The following DHRS2 variants were observed in gnomAD, a reference collection of about 807,000 sequenced individuals.
DHRS2 encodes the protein dehydrogenase/reductase 2, also known as dehydrogenase/reductase SDR family member 2, mitochondrial.
Under a neutral mutation model 26.3 loss-of-function variants are expected in DHRS2, and 29 were observed. The observed-to-expected ratio is 1.10, with a 90% CI of 0.82 to 1.50. DHRS2 has a LOEUF of 1.50. Ranked by LOEUF, DHRS2 falls within the 40% of genes most tolerant of loss-of-function variation. The probability of loss-of-function intolerance (pLI) is 0.00; values close to 1 mark genes in which losing one functional copy is unlikely to be tolerated. For missense variants in DHRS2, 439 were observed against 367.1 expected, an observed-to-expected ratio of 1.20 and a Z score of -1.60; for synonymous variants, 164 against 151.3, an observed-to-expected ratio of 1.08 and a Z score of -0.62.
chr14:23,640,042 G>C (rs1362910736), intron 4 of DHRS2, 147 bp downstream of exon 4: 7 of 777,198 alleles, frequency 9.0e-6, no homozygotes, highest in African/African-American at 1.8e-5. Context: ...CTGGCCAGCT[G>C]TCTCCCAAAA....
At chr14:23,637,883 G>GGT (rs1163788724) in intron 1 of DHRS2, 1 of 152,172 alleles carries the variant, frequency 6.6e-6, no homozygotes, top group African/African-American at 2.4e-5. Context: ...TCAGCTCTCT[G>GGT]TAAAATGGAC....
At chr14:23,635,646 A>G (rs969494850), upstream of DHRS2, among the ~76,000 whole-genome samples, 3 of 152,262 alleles carry the variant, frequency 2.0e-5, no homozygotes, top group Non-Finnish European at 4.4e-5. Context: ...ACAATATGCT[A>G]GCAGCCCTTG....
intron 1 of DHRS2, 41 bp from the exon 2 acceptor site, chr14:23,638,786 C>G: frequency 1.3e-6 from 2 of 1,554,262 alleles, no homozygotes; most frequent in African/African-American, 1.4e-5. Context: ...TTCATGCTCA[C>G]TGAGGCATCA....
chr14:23,631,832 C>T (rs1457758346), upstream of DHRS2, among the ~76,000 whole-genome samples: 1 of 152,146 alleles, frequency 6.6e-6, no homozygotes, highest in Admixed American at 6.5e-5. Context: ...AACCAGAGGC[C>T]TTGGAAGCTG....
chr14:23,645,264 G>A lies in DHRS2; in HGVS notation c.*11G>A. On this transcript the variant is annotated 3_prime_UTR_variant, in exon 9 of 9. Transcript: ENST00000250383. Reference sequence around the variant, plus strand: ...TCCACTCGGCTCTGAGAGGAGTGGGGGCGGCTGCGTAGCTGTGGTCCCAGG... The same window carrying A: ...TCCACTCGGCTCTGAGAGGAGTGGGAGCGGCTGCGTAGCTGTGGTCCCAGG... The A allele has an allele frequency of 1.9e-6, 3 of 1,614,068 alleles. No individual in the cohort carries two copies. The highest frequency in any genetic ancestry group is 1.7e-6 in the Non-Finnish European group (2 of 1,180,048).
intron 1 of DHRS2, 150 bp from the exon 2 acceptor site, chr14:23,638,677 G>C (rs1890467940): frequency 1.4e-6 from 1 of 707,134 alleles, no homozygotes; most frequent in Non-Finnish European, 2.3e-6. Context: ...TTCCTGACCT[G>C]AGGTTCACAT....
In DHRS2 at chr14:23,645,469, G is replaced by A. The variant is rs983144988; in HGVS notation, c.*216G>A. 9.1e-5 allele frequency: 87 copies of A among 953,900 alleles called. No homozygotes were observed. The highest frequency in any genetic ancestry group is 1.2e-4 in the Non-Finnish European group (82 of 662,044). 59.1% of individuals were successfully genotyped at this position (953,900 alleles called of 1,614,324 possible). A position where few individuals can be genotyped will look rare whatever the true frequency, so the allele number is the denominator to read the frequency against. Reference sequence around the variant, plus strand: ...TTTGGCTGATCCAATTAACATGTGGGGTTCTTGGTGTGGGTCTGGGGAGCT... The same window carrying A: ...TTTGGCTGATCCAATTAACATGTGGAGTTCTTGGTGTGGGTCTGGGGAGCT... On this transcript the variant is annotated 3_prime_UTR_variant, in exon 9 of 9. Transcript: ENST00000250383.
rs746472602 is a variant in DHRS2, at chr14:23,638,968, C to T, written c.104C>T (p.Ala35Val). 1.9e-6 allele frequency: 3 copies of T among 1,613,812 alleles called. No homozygotes were observed. The highest frequency in any genetic ancestry group is 2.5e-6 in the Non-Finnish European group (3 of 1,180,044). ...STGIDRKGVLANRVAVVTGST... is the reference protein window; with the variant it reads ...STGIDRKGVLVNRVAVVTGST... ...GGGATAGACAGGAAGGGCGTCCTGG[C>T]TAACCGGGTAGCCGTGGTCACGGGG... The change falls in exon 2 of 9, where the codon GCT becomes GTT. Residue 35 changes from alanine to valine, a missense_variant. Transcript: ENST00000250383.
chr14:23,636,419 A>G lies in DHRS2; in HGVS notation c.-392A>G, dbSNP rs1188946413. ...TGGAAGCTTTGTTCTTTTGGTCTTC[A>G]TGATAAATCTTGCTGCTGCTCACTC... is the stretch of plus-strand genomic sequence containing the variant. On this transcript the variant is annotated 5_prime_UTR_variant, in exon 1 of 9. An upstream start codon of the reference 5' UTR is lost. Coordinates refer to ENST00000250383, the MANE Select transcript of DHRS2 (RefSeq NM_005794.4). 1.3e-5 allele frequency: 2 copies of G among 152,214 alleles called. No individual in the cohort carries two copies. Among genetic ancestry groups the G allele is most frequent in the African/African-American group, 2.4e-5 (1 of 41,534 alleles). 9.4% of individuals were successfully genotyped at this position (152,214 alleles called of 1,614,324 possible).
At chr14:23,637,558 A>G (rs982525895) in intron 1 of DHRS2, among the ~76,000 whole-genome samples, 5 of 152,184 alleles carry the variant, frequency 3.3e-5, no homozygotes, top group Non-Finnish European at 5.9e-5. Flanking sequence ...TTTTTGGGGC[A>G]TAACATCTTT....
At position 23,641,743 on chromosome 14, in the gene DHRS2, C is replaced by A. The variant is rs1159910819; in HGVS notation, c.421-1409C>A. ...TGGGGGTCATCCCCCACACTGGTAA[C>A]CTGTCATCAAATGGGCCACAGCAAC... On this transcript the variant is annotated intron_variant, in intron 4 of 8. Coordinates refer to ENST00000250383, the MANE Select transcript of DHRS2 (RefSeq NM_005794.4). The A allele has an allele frequency of 3.1e-6, 4 of 1,289,640 alleles. No homozygotes were observed. The African/African-American group carries it at 4.5e-5, about 15-fold the overall frequency. The allele number at this position is 1,289,640 out of a possible 1,614,324, so 79.9% of individuals were successfully genotyped here. A position where few individuals can be genotyped will look rare whatever the true frequency, so the allele number is the denominator to read the frequency against.
Position 23,644,771 on chromosome 14 carries a change from G to C in DHRS2, c.676-56G>C. The C allele has an allele frequency of 4.4e-6, 7 of 1,598,746 alleles. No individual in the cohort carries two copies. The South Asian group carries it at 6.6e-5, about 15-fold the overall frequency. On this transcript the variant is annotated intron_variant, in intron 7 of 8. Coordinates refer to ENST00000250383, the MANE Select transcript of DHRS2 (RefSeq NM_005794.4). ...TGTTCTGCCTGGTGGCCTTCCCGGG[G>C]CCCTGCCCATCTTGTTTTAGTAGCA...
intron 3 of DHRS2, among the ~76,000 whole-genome samples, chr14:23,639,561 G>C (rs1285902138): frequency 1.3e-5 from 2 of 152,130 alleles, no homozygotes; most frequent in Non-Finnish European, 2.9e-5. Context: ...CAGGCCCGGG[G>C]AGAATCACTG....
rs1890786765 is a variant in DHRS2 at position 23,644,339 on chromosome 14, G to A, written c.541-70G>A. On this transcript the variant is annotated intron_variant, in intron 6 of 8. Transcript: ENST00000250383. Reference sequence around the variant, plus strand: ...CTGCTGGGCCTGTGAGATCCCTGTAGGTGAGAAATCCAACTGATGCTTTCC... The same window carrying A: ...CTGCTGGGCCTGTGAGATCCCTGTAAGTGAGAAATCCAACTGATGCTTTCC... 5 of 1,601,176 alleles carry A rather than the reference G, an allele frequency of 3.1e-6. No individual in the cohort carries two copies. The South Asian group carries it at 3.3e-5, about 11-fold the overall frequency.
At chr14:23,641,862 G>A (rs1284585948) in intron 4 of DHRS2, 3 of 1,230,410 alleles carry the variant, frequency 2.4e-6, no homozygotes, top group East Asian at 1.1e-4. Context: ...CTGGTGAGTT[G>A]CAGATGTGGT....
chr14:23,631,168 A>G (rs1038388940), intron 1 of DHRS2, among the ~76,000 whole-genome samples: 1 of 152,184 alleles, frequency 6.6e-6, no homozygotes, highest in Non-Finnish European at 1.5e-5. Flanking sequence ...GATGTAAAAT[A>G]CTTCAGTTTT....
intron 4 of DHRS2, chr14:23,640,458 C>A: frequency 1.0e-6 from 1 of 985,264 alleles, no homozygotes; most frequent in Non-Finnish European, 1.2e-6. Flanking sequence ...ATTCTGCTAC[C>A]TTGTCCACAA....
At chr14:23,641,641 C>T (rs1325909974) in intron 4 of DHRS2, 2 of 1,289,682 alleles carry the variant, frequency 1.6e-6, no homozygotes, top group Admixed American at 2.3e-5. Context: ...TACAGCTAAC[C>T]TAATCCTCAA....
In DHRS2 at chr14:23,640,440, A is replaced by T. The variant is rs1431745362; in HGVS notation, c.420+545A>T. On this transcript the variant is annotated intron_variant, in intron 4 of 8. Transcript: ENST00000250383. The stretch of plus-strand genomic sequence containing the variant: ...AGACATCCCAGCCTGCTGTAAGTCC[A>T]TTCAAGGATTCTGCTACCTTGTCCA... 5.1e-6 allele frequency: 5 copies of T among 985,346 alleles called. No individual in the cohort carries two copies. In the African/African-American group the frequency reaches 7.0e-5, roughly 14 times the overall value. 61.0% of individuals were successfully genotyped at this position (985,346 alleles called of 1,614,324 possible).
Sources: allele counts gnomAD v4.1 joint callset (sites outside exome capture counted in the v4.1 genomes callset), GRCh38; gene constraint gnomAD v4.1.1; transcripts MANE v1.5; gene names NCBI Gene and HGNC (gene_info 2026-07-23, HGNC 2026-07-21).